OR51B5: variants seen among roughly 807,000 people sequenced by gnomAD.
OR51B5 encodes the protein olfactory receptor family 51 subfamily B member 5.
For missense variants in OR51B5, 456 were observed against 374.6 expected (o/e 1.22, Z -1.79); for synonymous variants, 186 against 144.8 (o/e 1.28, Z -2.04).
intron 1 of OR51B5, among the ~76,000 whole-genome samples, chr11:5,472,566 G>A (rs1311708430): frequency 6.6e-6 from 1 of 152,194 alleles, no homozygotes; most frequent in Non-Finnish European, 1.5e-5. Flanking sequence ...AGGGCTCCAA[G>A]AGGTAGCTGG....
At chr11:5,437,755 T>C (rs1850612015) in intron 1 of OR51B5, among the ~76,000 whole-genome samples, 1 of 152,230 alleles carries the variant, frequency 6.6e-6, no homozygotes. Flanking sequence ...TTGCGGGTTT[T>C]GATTTCAGGT....
chr11:5,403,328 C>T (rs1162437608), intron 1 of OR51B5: 2 of 471,524 alleles, frequency 4.2e-6, no homozygotes, highest in East Asian at 1.4e-4. Context: ...ACACATGTGG[C>T]TCACACGTCT....
At chr11:5,456,507 T>C (rs1207698271) in intron 1 of OR51B5, 1 of 152,162 alleles carries the variant, frequency 6.6e-6, no homozygotes, top group African/African-American at 2.4e-5. Context: ...ATAATCTTTT[T>C]TGAACTCAAC....
At chr11:5,406,177 A>G (rs1407041370) in intron 1 of OR51B5, among the ~76,000 whole-genome samples, 1 of 152,164 alleles carries the variant, frequency 6.6e-6, no homozygotes, top group Non-Finnish European at 1.5e-5. Flanking sequence ...GCCTTCTTAA[A>G]TATTATTGCT....
intron 1 of OR51B5, among the ~76,000 whole-genome samples, chr11:5,370,192 TTTA>T (rs1331925383): frequency 2.6e-5 from 4 of 152,246 alleles, no homozygotes; most frequent in Admixed American, 1.3e-4. Context: ...CATCAATGTA[TTTA>T]TTATTATCAT....
At chr11:5,485,071 T>C (rs1851480324) in intron 1 of OR51B5, among the ~76,000 whole-genome samples, 1 of 152,158 alleles carries the variant, frequency 6.6e-6, no homozygotes, top group African/African-American at 2.4e-5. Context: ...GTACCCTAAC[T>C]ATGATTTCAA....
intron 1 of OR51B5, among the ~76,000 whole-genome samples, chr11:5,474,380 C>G (rs1431997748): frequency 6.6e-6 from 1 of 152,108 alleles, no homozygotes; most frequent in East Asian, 1.9e-4. Context: ...AGGCGAACAA[C>G]ACAAGAGACT....
chr11:5,475,450 C>T (rs1483453110), intron 1 of OR51B5, among the ~76,000 whole-genome samples: 1 of 152,088 alleles, frequency 6.6e-6, no homozygotes, highest in Non-Finnish European at 1.5e-5. Context: ...AGCTTTTCCC[C>T]ATGCACTTTC....
At chr11:5,450,655 C>A (rs1850831120) in intron 1 of OR51B5, among the ~76,000 whole-genome samples, 1 of 152,148 alleles carries the variant, frequency 6.6e-6, no homozygotes, top group Admixed American at 6.5e-5. Flanking sequence ...CTGCCTTTAA[C>A]CACTCACTTT....
chr11:5,501,428 C>T (rs1846290895), intron 1 of OR51B5, among the ~76,000 whole-genome samples: 1 of 147,774 alleles, frequency 6.8e-6, no homozygotes, highest in Non-Finnish European at 1.5e-5. Context: ...CAAAAGTTAC[C>T]TTCTTATTAT....
intron 1 of OR51B5, among the ~76,000 whole-genome samples, chr11:5,437,116 T>G (rs1288595568): frequency 6.6e-6 from 1 of 152,156 alleles, no homozygotes; most frequent in East Asian, 1.9e-4. Flanking sequence ...CTACTTCACC[T>G]GGAGATACTG....
intron 1 of OR51B5, among the ~76,000 whole-genome samples, chr11:5,352,849 A>AACAT (rs1564916920): frequency 9.5e-6 from 1 of 105,648 alleles, no homozygotes; most frequent in African/African-American, 3.5e-5. Context: ...TACTTAATAT[A>AACAT]TAATAGTGTG....
intron 1 of OR51B5, among the ~76,000 whole-genome samples, chr11:5,412,014 A>G (rs545830481): frequency 6.6e-6 from 1 of 152,342 alleles, no homozygotes; most frequent in Admixed American, 6.5e-5. Flanking sequence ...GGACTCTAAG[A>G]TTAAAAAACA....
intron 1 of OR51B5, chr11:5,389,390 C>G (rs779898309): frequency 1.9e-6 from 3 of 1,608,582 alleles, no homozygotes; most frequent in African/African-American, 2.7e-5. Flanking sequence ...TCAGCTCAAT[C>G]CCCGAGGAAT....
At chr11:5,454,062 A>G (rs1160236001) in intron 1 of OR51B5, 3 of 1,614,146 alleles carry the variant, frequency 1.9e-6, no homozygotes, top group South Asian at 1.1e-5. Flanking sequence ...CTGTGCTGAT[A>G]TCAGTATCAA....
chr11:5,344,933 G>C (rs556676651), upstream of OR51B5, among the ~76,000 whole-genome samples: 1 of 152,288 alleles, frequency 6.6e-6, no homozygotes, highest in Admixed American at 6.5e-5. Context: ...CTGCACCTAT[G>C]AGGAGGTCCC....
At chr11:5,496,433 T>C (rs7101611) in intron 1 of OR51B5, among the ~76,000 whole-genome samples, 3,231 of 12,610 alleles carry the variant, frequency 0.26, 117 homozygotes, top group African/African-American at 0.39. Flanking sequence ...CATGGTTTAA[T>C]TGCCTAACTA....
At chr11:5,356,216 TA>T (rs1357032714) in intron 1 of OR51B5, among the ~76,000 whole-genome samples, 7 of 152,038 alleles carry the variant, frequency 4.6e-5, no homozygotes, top group Non-Finnish European at 1.0e-4. Flanking sequence ...GCAAAAAAGT[TA>T]AAAACCTTGA....
intron 1 of OR51B5, among the ~76,000 whole-genome samples, chr11:5,415,725 G>A (rs10768943): frequency 0.41 from 61,662 of 151,744 alleles, 13,555 homozygotes; most frequent in Non-Finnish European, 0.5. Context: ...GACTAAACCA[G>A]GAAGAAGTTG....
Sources: gnomAD v4.1 joint callset for allele counts (sites outside exome capture counted in the v4.1 genomes callset) on GRCh38, gnomAD v4.1.1 for gene constraint, MANE v1.5 for transcripts, NCBI Gene and HGNC (gene_info 2026-07-23, HGNC 2026-07-21) for gene names.